DSCAML1: variants seen among roughly 807,000 people sequenced by gnomAD.
The protein encoded by DSCAML1 is DS cell adhesion molecule like 1.
DSCAML1 carries 38 observed loss-of-function variants against 200.5 expected under a neutral mutation model. The observed-to-expected ratio is 0.19, with a 90% CI of 0.15 to 0.25. The LOEUF is 0.25. Among genes scored for constraint, DSCAML1 ranks in the 10% least tolerant of loss-of-function variants. The probability of loss-of-function intolerance (pLI) is 1.00; values close to 1 mark genes in which losing one functional copy is unlikely to be tolerated. For synonymous variants in DSCAML1, 1,215 were observed against 1,165.0 expected (o/e 1.04, Z -0.87); for missense variants, 2,223 against 2,858.8 (o/e 0.78, Z 5.07).
intron 3 of DSCAML1, among the ~76,000 whole-genome samples, chr11:117,683,751 A>G (rs1304195976): frequency 6.6e-6 from 1 of 152,190 alleles, no homozygotes; most frequent in Non-Finnish European, 1.5e-5. Flanking sequence ...GTTTCCTCAT[A>G]TACAATGTGG....
At chr11:117,479,988 A>C (rs75066826) in intron 14 of DSCAML1, among the ~76,000 whole-genome samples, 1 of 152,106 alleles carries the variant, frequency 6.6e-6, no homozygotes, top group East Asian at 1.9e-4. Context: ...AAGCTTTTCC[A>C]GGGCCTCCTA....
At chr11:117,449,161 A>T (rs1282515942) in intron 20 of DSCAML1, among the ~76,000 whole-genome samples, 1 of 152,164 alleles carries the variant, frequency 6.6e-6, no homozygotes, top group Non-Finnish European at 1.5e-5. Flanking sequence ...AAGCAGCACT[A>T]ATCTATGCTA....
chr11:117,495,850 G>A (rs1020833603), intron 11 of DSCAML1, among the ~76,000 whole-genome samples: 5 of 152,138 alleles, frequency 3.3e-5, no homozygotes, highest in African/African-American at 1.2e-4. Context: ...TTAGAGTTCC[G>A]TTTTCTCTCC....
At chr11:117,508,322 G>A (rs917864268) in intron 8 of DSCAML1, among the ~76,000 whole-genome samples, 5 of 152,012 alleles carry the variant, frequency 3.3e-5, no homozygotes, top group South Asian at 2.1e-4. Flanking sequence ...CATGGCTGTC[G>A]GGGTAACTGC....
At chr11:117,655,258 C>T (rs996987252) in intron 3 of DSCAML1, among the ~76,000 whole-genome samples, 12 of 152,200 alleles carry the variant, frequency 7.9e-5, no homozygotes, top group Non-Finnish European at 1.6e-4. Flanking sequence ...AATGTGCAGG[C>T]AGAAGAGGGC....
At chr11:117,668,778 G>A (rs2053035625) in intron 3 of DSCAML1, 1 of 152,274 alleles carries the variant, frequency 6.6e-6, no homozygotes. Flanking sequence ...GGAGTAGAGA[G>A]AAGAGAAGCG....
At chr11:117,716,952 C>A (rs1227294619) in intron 3 of DSCAML1, among the ~76,000 whole-genome samples, 5 of 152,088 alleles carry the variant, frequency 3.3e-5, no homozygotes, top group African/African-American at 1.2e-4. Context: ...TCTGGCGACC[C>A]TTAGGCTAGA....
intron 3 of DSCAML1, among the ~76,000 whole-genome samples, chr11:117,610,259 A>C (rs541935125): frequency 5.3e-5 from 8 of 152,310 alleles, no homozygotes; most frequent in African/African-American, 1.9e-4. Context: ...TCCAGAGACC[A>C]GTTCCTCCCG....
chr11:117,727,941 G>T (rs2054160476), intron 3 of DSCAML1, among the ~76,000 whole-genome samples: 1 of 152,220 alleles, frequency 6.6e-6, no homozygotes, highest in African/African-American at 2.4e-5. Context: ...AGGGAAGTAA[G>T]AAAGATTCTT....
chr11:117,464,269 C>T (rs1346102739), intron 17 of DSCAML1, among the ~76,000 whole-genome samples: 1 of 152,134 alleles, frequency 6.6e-6, no homozygotes, highest in Non-Finnish European at 1.5e-5. Context: ...GTCAGCCTGG[C>T]CCCTTCTCTG....
chr11:117,437,741 A>T lies in DSCAML1; in HGVS notation c.4432+154T>A, dbSNP rs2047949672. ...TGGGATCCATCGGGACACTGTGGTG[A>T]CGGGAAGGAGGCTGAGGCTCCTCCC... On this transcript the variant is annotated intron_variant, in intron 25 of 32. Transcript: ENST00000651296. This position sits in a 1 kb window ranked among gnomAD's most constrained non-coding sequence, Gnocchi z 5.3. 6.6e-6 allele frequency among the ~76,000 whole-genome samples: 1 copy of T among 152,088 alleles called. No individual in the cohort carries two copies. Among genetic ancestry groups the T allele is most frequent in the Non-Finnish European group, 1.5e-5 (1 of 67,972 alleles).
intron 3 of DSCAML1, among the ~76,000 whole-genome samples, chr11:117,626,637 C>T (rs111473142): frequency 0.012 from 1,894 of 152,240 alleles, 37 homozygotes; most frequent in African/African-American, 0.043. Context: ...AAGCATGTGG[C>T]GGATTCTCGA....
At chr11:117,769,006 G>A (rs1300840008) in intron 3 of DSCAML1, among the ~76,000 whole-genome samples, 1 of 147,462 alleles carries the variant, frequency 6.8e-6, no homozygotes, top group Non-Finnish European at 1.5e-5. Flanking sequence ...AACCTGGGGG[G>A]TGGAGGTTGC....
At chr11:117,574,404 T>C (rs2137443762) in intron 3 of DSCAML1, among the ~76,000 whole-genome samples, 1 of 152,278 alleles carries the variant, frequency 6.6e-6, no homozygotes, top group East Asian at 1.9e-4. Flanking sequence ...CTGGTATTAA[T>C]GGGGAGCTGA....
Position 117,780,863 on chromosome 11 carries a change from C to T in DSCAML1, c.47-53G>A. ...GGTTAGCATGGGCTCTAACAATACCCATATAAGCCACGGAGGCTTGCGACA... is the reference window on the plus strand; with the variant it reads ...GGTTAGCATGGGCTCTAACAATACCTATATAAGCCACGGAGGCTTGCGACA... On this transcript the variant is annotated intron_variant, in intron 1 of 32. Transcript: ENST00000651296. The surrounding 1 kb of genome is among the most constrained non-coding windows in gnomAD (Gnocchi z 4.8). 7.4e-7 allele frequency: 1 copy of T among 1,356,644 alleles called. No homozygotes were observed. The highest frequency in any genetic ancestry group is 9.5e-7 in the Non-Finnish European group (1 of 1,050,664). 84.0% of individuals were successfully genotyped at this position (1,356,644 alleles called of 1,614,324 possible).
chr11:117,472,400 T>G (rs921323003), intron 14 of DSCAML1, among the ~76,000 whole-genome samples: 2 of 152,218 alleles, frequency 1.3e-5, no homozygotes, highest in African/African-American at 4.8e-5. Flanking sequence ...ATCAGTGACC[T>G]GGTCTAACAG....
intron 16 of DSCAML1, among the ~76,000 whole-genome samples, chr11:117,467,382 C>A (rs2048605026): frequency 6.6e-6 from 1 of 152,216 alleles, no homozygotes; most frequent in African/African-American, 2.4e-5. Context: ...AGAACACCCA[C>A]CCCAGCGCAT....
intron 3 of DSCAML1, among the ~76,000 whole-genome samples, chr11:117,699,668 C>T (rs890323109): frequency 3.3e-5 from 5 of 152,196 alleles, no homozygotes; most frequent in Admixed American, 2.6e-4. Context: ...GGCACAGAGC[C>T]GGGCCATCCC....
At chr11:117,797,233 C>CCTCCTCGG, upstream of DSCAML1, 3 of 1,466,692 alleles carry the variant, frequency 2.0e-6, no homozygotes, top group African/African-American at 1.5e-5. Flanking sequence ...GCGGCTCCTC[C>CCTCCTCGG]CTCCTCGGCT....
Sources: allele counts gnomAD v4.1 joint callset (sites outside exome capture counted in the v4.1 genomes callset), GRCh38; gene constraint gnomAD v4.1.1; non-coding constraint Gnocchi (gnomAD v3.1); transcripts MANE v1.5; gene names NCBI Gene and HGNC (gene_info 2026-07-23, HGNC 2026-07-21).